KCNT2: variants seen among roughly 807,000 people sequenced by gnomAD.
The protein encoded by KCNT2 is potassium channel subfamily T member 2.
In KCNT2, 67 loss-of-function variants were observed where a neutral mutation model predicts 153.8. The observed-to-expected ratio is 0.44, with a 90% CI of 0.36 to 0.53. The LOEUF is 0.53. Ranked by LOEUF, KCNT2 falls within the 20% of genes least tolerant of loss-of-function variation. The pLI is 0.00. For missense variants in KCNT2, 975 were observed against 1,354.8 expected (o/e 0.72, Z 4.40); for synonymous variants, 500 against 458.8 (o/e 1.09, Z -1.15).
At chr1:196,488,225 TAATTA>T (rs1175640894) in intron 3 of KCNT2, among the ~76,000 whole-genome samples, 26 of 152,090 alleles carry the variant, frequency 1.7e-4, no homozygotes, top group Admixed American at 1.6e-3. Flanking sequence ...TCAGAAGCTC[TAATTA>T]AATAAATCTC....
chr1:196,514,446 A>G (rs540506039), intron 1 of KCNT2, among the ~76,000 whole-genome samples: 4 of 152,188 alleles, frequency 2.6e-5, no homozygotes, highest in Non-Finnish European at 5.9e-5. Flanking sequence ...CAAATGAATC[A>G]GTAGTAGTAT....
At chr1:196,325,584 TTTGA>T (rs1249194658) in intron 19 of KCNT2, among the ~76,000 whole-genome samples, 2 of 152,130 alleles carry the variant, frequency 1.3e-5, no homozygotes, top group Non-Finnish European at 2.9e-5. Context: ...ACAATGCAAC[TTTGA>T]TTGTTCTAAA....
chr1:196,540,624 G>A (rs1656224875), intron 1 of KCNT2, among the ~76,000 whole-genome samples: 1 of 152,182 alleles, frequency 6.6e-6, no homozygotes, highest in Non-Finnish European at 1.5e-5. Context: ...GTAGCATAAT[G>A]TGGCTGAATC....
intron 1 of KCNT2, among the ~76,000 whole-genome samples, chr1:196,521,216 G>A (rs1653347160): frequency 6.6e-6 from 1 of 152,164 alleles, no homozygotes; most frequent in Non-Finnish European, 1.5e-5. Context: ...CTGATCATTA[G>A]AGAAAAGCAA....
chr1:196,279,081 T>C (rs995638669), intron 25 of KCNT2, among the ~76,000 whole-genome samples: 1 of 152,306 alleles, frequency 6.6e-6, no homozygotes, highest in Non-Finnish European at 1.5e-5. Context: ...TTCAAAACTT[T>C]GAGAATTAAA....
At chr1:196,273,932 G>C (rs937656787) in intron 25 of KCNT2, among the ~76,000 whole-genome samples, 1 of 151,558 alleles carries the variant, frequency 6.6e-6, no homozygotes, top group Non-Finnish European at 1.5e-5. Flanking sequence ...AGTGGTGCTT[G>C]TAGAAGAAAA....
intron 1 of KCNT2, among the ~76,000 whole-genome samples, chr1:196,565,378 C>T (rs1263951309): frequency 6.6e-6 from 1 of 151,326 alleles, no homozygotes; most frequent in Non-Finnish European, 1.5e-5. Flanking sequence ...GGAAAACTAT[C>T]TAGAGATACT....
intron 1 of KCNT2, among the ~76,000 whole-genome samples, chr1:196,515,629 G>A (rs1299257565): frequency 6.6e-6 from 1 of 151,998 alleles, no homozygotes; most frequent in Admixed American, 6.6e-5. Context: ...AAAAAACAAC[G>A]ACAACAATAA....
At chr1:196,373,287 T>C (rs1447735631) in intron 13 of KCNT2, 39 bp from the exon 14 acceptor site, 4 of 865,480 alleles carry the variant, frequency 4.6e-6, no homozygotes, top group Non-Finnish European at 7.8e-6. Context: ...ATAATTTACC[T>C]TTGGAGAGTA....
intron 1 of KCNT2, among the ~76,000 whole-genome samples, chr1:196,594,821 G>A (rs984103964): frequency 6.6e-6 from 1 of 152,058 alleles, no homozygotes; most frequent in Non-Finnish European, 1.5e-5. Flanking sequence ...TGAAAAGAGG[G>A]ATGATTTCTG....
chr1:196,361,931 G>GTT (rs1667662845), intron 14 of KCNT2, among the ~76,000 whole-genome samples: 1 of 151,280 alleles, frequency 6.6e-6, no homozygotes, highest in African/African-American at 2.4e-5. Flanking sequence ...GTGTGTGTGT[G>GTT]TTTCACTCTA....
chr1:196,384,834 A>T (rs1158851256), intron 13 of KCNT2, among the ~76,000 whole-genome samples: 5 of 152,110 alleles, frequency 3.3e-5, no homozygotes, highest in African/African-American at 1.2e-4. Flanking sequence ...AGGCATTTAG[A>T]ACCCACTTTT....
At chr1:196,442,484 T>G (rs1471574425) in intron 8 of KCNT2, among the ~76,000 whole-genome samples, 1 of 151,734 alleles carries the variant, frequency 6.6e-6, no homozygotes, top group African/African-American at 2.4e-5. Flanking sequence ...AAATAATAGC[T>G]AATGTACATG....
intron 12 of KCNT2, among the ~76,000 whole-genome samples, chr1:196,410,921 C>A (rs1572355485): frequency 6.6e-6 from 1 of 151,230 alleles, no homozygotes; most frequent in East Asian, 2.0e-4. Flanking sequence ...TCCTTTCCTT[C>A]TTTCTTTCTT....
chr1:196,460,934 T>C (rs1483592876), intron 8 of KCNT2, among the ~76,000 whole-genome samples: 1 of 151,728 alleles, frequency 6.6e-6, no homozygotes, highest in Non-Finnish European at 1.5e-5. Context: ...ATTTAAACCA[T>C]AGCAGGAAGA....
At chr1:196,558,779 A>C (rs534014053) in intron 1 of KCNT2, among the ~76,000 whole-genome samples, 320 of 151,640 alleles carry the variant, frequency 2.1e-3, no homozygotes, top group Non-Finnish European at 3.4e-3. Context: ...ATTGTTTTGC[A>C]GAAATGTAGT....
At chr1:196,578,821 G>C (rs1324059400) in intron 1 of KCNT2, among the ~76,000 whole-genome samples, 1 of 152,122 alleles carries the variant, frequency 6.6e-6, no homozygotes, top group African/African-American at 2.4e-5. Flanking sequence ...GATTCATAAA[G>C]AGCTTCCAAT....
chr1:196,469,397 T>G (rs1462499129), intron 5 of KCNT2, among the ~76,000 whole-genome samples: 3 of 152,134 alleles, frequency 2.0e-5, no homozygotes, highest in African/African-American at 7.2e-5. Flanking sequence ...AATTAAAAAG[T>G]GACAATTTGA....
intron 25 of KCNT2, among the ~76,000 whole-genome samples, chr1:196,276,596 C>T (rs1658593128): frequency 6.6e-6 from 1 of 151,864 alleles, no homozygotes; most frequent in Non-Finnish European, 1.5e-5. Flanking sequence ...CGTCTGGTTT[C>T]CTGCAGATCA....
Sources: gnomAD v4.1 joint callset for allele counts (sites outside exome capture counted in the v4.1 genomes callset) on GRCh38, gnomAD v4.1.1 for gene constraint, MANE v1.5 for transcripts, NCBI Gene and HGNC (gene_info 2026-07-23, HGNC 2026-07-21) for gene names.